The following PDE8B variants were observed in gnomAD, a reference collection of about 807,000 sequenced individuals.
PDE8B encodes phosphodiesterase 8B.
Under a neutral mutation model 101.3 loss-of-function variants are expected in PDE8B, and 26 were observed. The ratio of observed to expected loss-of-function variants is 0.26; its 90% CI spans 0.19 to 0.36. The LOEUF is 0.36. Ranked by LOEUF, PDE8B falls within the 10% of genes least tolerant of loss-of-function variation. The pLI is 1.00. For missense variants in PDE8B, 810 were observed against 1,163.1 expected, an observed-to-expected ratio of 0.70 and a Z score of 4.42; for synonymous variants, 424 against 429.3, an observed-to-expected ratio of 0.99 and a Z score of 0.15.
At chr5:77,355,906 A>C (rs946451416) in intron 10 of PDE8B, among the ~76,000 whole-genome samples, 1 of 152,214 alleles carries the variant, frequency 6.6e-6, no homozygotes, top group African/African-American at 2.4e-5. Context: ...CTGCAGGCCA[A>C]ATATGGCCTG....
chr5:77,200,752 A>G, the PDE8B span, among the ~76,000 whole-genome samples: 1 of 152,204 alleles, frequency 6.6e-6, no homozygotes, highest in African/African-American at 2.4e-5. Flanking sequence ...GGTATATGCT[A>G]AAGTTTGATA....
rs1793692493 is a variant in PDE8B at position 77,407,388 on chromosome 5, C to T, written c.1296C>T (p.Ser432=). 6.2e-7 allele frequency: 1 copy of T among 1,613,898 alleles called. No individual in the cohort carries two copies. The highest frequency in any genetic ancestry group is 8.5e-7 in the Non-Finnish European group (1 of 1,179,784). ...SISSRGSDAP[S]LQNRRYPSMA... ...TTCTTGCCTTCTCTCCAGCACCAAGCCTGCAGAATCGTCGCTATCCGTCCA... is the reference window on the plus strand; with the variant it reads ...TTCTTGCCTTCTCTCCAGCACCAAGTCTGCAGAATCGTCGCTATCCGTCCA... The change falls in exon 13 of 22, where the codon AGC becomes AGT. Residue 432 remains serine, a synonymous_variant. Transcript: ENST00000264917.
chr5:77,094,226 C>T, the PDE8B span, among the ~76,000 whole-genome samples: 1 of 152,188 alleles, frequency 6.6e-6, no homozygotes, highest in Non-Finnish European at 1.5e-5. Context: ...TGACACCAGC[C>T]ATCTAGTCCA....
rs146218799 is a variant in PDE8B, at chr5:77,424,393, G to C, written c.2419-1374G>C. ...TGACCTAAAAATGAAAGTTACAAAT[G>C]AAGCCTTTGAGCTGGCCTTCTGGCT... On this transcript the variant is annotated intron_variant, in intron 20 of 21. Transcript: ENST00000264917. Among the ~76,000 whole-genome samples, 16 of 152,304 alleles carry C rather than the reference G, an allele frequency of 1.1e-4. No individual in the cohort carries two copies. In the East Asian group the frequency reaches 2.9e-3, roughly 28 times the overall value.
At position 77,311,983 on chromosome 5, in the gene PDE8B, C is replaced by A; in HGVS notation, c.340-11C>A. ...AGACTTGACGCTTCTCTTGTGCTGT[C>A]CTTTATTTAGCAGGTGTCTTCTGCG... On this transcript the variant is annotated splice_polypyrimidine_tract_variant and intron_variant, in intron 1 of 21. Coordinates refer to ENST00000264917, the MANE Select transcript of PDE8B (RefSeq NM_003719.5). The A allele has an allele frequency of 6.2e-7, 1 of 1,611,588 alleles. No homozygotes were observed. Among genetic ancestry groups the A allele is most frequent in the Non-Finnish European group, 8.5e-7 (1 of 1,177,710 alleles).
chr5:77,345,833 A>G (rs1393272426), intron 7 of PDE8B, among the ~76,000 whole-genome samples: 1 of 152,204 alleles, frequency 6.6e-6, no homozygotes, highest in Non-Finnish European at 1.5e-5. Context: ...CACCAAAGAC[A>G]GTGGGCAACA....
At chr5:77,389,031 G>A (rs564533233) in intron 10 of PDE8B, among the ~76,000 whole-genome samples, 198 of 152,300 alleles carry the variant, frequency 1.3e-3, no homozygotes, top group African/African-American at 4.7e-3. Context: ...GACCCGCTGA[G>A]CCAGACCACT....
chr5:77,178,912 T>G, the PDE8B span, among the ~76,000 whole-genome samples: 1 of 152,260 alleles, frequency 6.6e-6, no homozygotes, highest in Non-Finnish European at 1.5e-5. Context: ...TATGGCTGCA[T>G]GTTTTATCAA....
intron 2 of PDE8B, among the ~76,000 whole-genome samples, chr5:77,313,137 G>C (rs1016046295): frequency 2.0e-5 from 3 of 152,022 alleles, no homozygotes; most frequent in African/African-American, 7.2e-5. Context: ...CCTGTACTTG[G>C]GACAAGTAAA....
chr5:77,171,259 G>A, the PDE8B span, among the ~76,000 whole-genome samples: 3 of 152,184 alleles, frequency 2.0e-5, no homozygotes, highest in Admixed American at 6.5e-5. Flanking sequence ...GAAACCTGAG[G>A]TCACTTGGAA....
At chr5:77,157,555 G>A in the PDE8B span, among the ~76,000 whole-genome samples, 1 of 152,062 alleles carries the variant, frequency 6.6e-6, no homozygotes, top group Admixed American at 6.6e-5. Context: ...GTCATGAGGC[G>A]AACTATATAT....
At chr5:77,158,360 G>C in the PDE8B span, among the ~76,000 whole-genome samples, 2 of 152,200 alleles carry the variant, frequency 1.3e-5, no homozygotes, top group Non-Finnish European at 2.9e-5. Flanking sequence ...ATAGGGATAA[G>C]GGGAAAGAGA....
chr5:77,399,715 A>G (rs2359875), intron 10 of PDE8B, among the ~76,000 whole-genome samples: 39,386 of 152,140 alleles, frequency 0.26, 5,492 homozygotes, highest in East Asian at 0.4. Flanking sequence ...ATAATGAGAA[A>G]GAATAGGTGG....
chr5:77,314,234 C>T lies in PDE8B; in HGVS notation c.399+2181C>T, dbSNP rs980670112. ...TACTTTTGGACTCTCAGTTCTATTCCATTGATTTATATGTCTGTCCTTATC... is the reference window on the plus strand; with the variant it reads ...TACTTTTGGACTCTCAGTTCTATTCTATTGATTTATATGTCTGTCCTTATC... On this transcript the variant is annotated intron_variant, in intron 2 of 21. Transcript: ENST00000264917. 8.5e-5 allele frequency among the ~76,000 whole-genome samples: 13 copies of T among 152,100 alleles called. No individual in the cohort carries two copies. In the Middle Eastern group the frequency reaches 0.01, roughly 119 times the overall value.
chr5:77,131,123 G>A, the PDE8B span: 3 of 152,258 alleles, frequency 2.0e-5, no homozygotes, highest in Non-Finnish European at 4.4e-5. Context: ...GATACTCAGA[G>A]CTGTTCTCAG....
At chr5:77,283,183 T>G (rs960322029) in intron 1 of PDE8B, among the ~76,000 whole-genome samples, 6 of 152,216 alleles carry the variant, frequency 3.9e-5, no homozygotes, top group African/African-American at 1.4e-4. Flanking sequence ...ACAGCATTTT[T>G]AGATTCACAG....
chr5:77,344,420 T>A (rs1545775), intron 6 of PDE8B, among the ~76,000 whole-genome samples: 48,683 of 152,136 alleles, frequency 0.32, 8,353 homozygotes, highest in East Asian at 0.58. Flanking sequence ...GTATCTTAAA[T>A]TGAGTAATTT....
chr5:77,237,538 T>C (rs1754942747), intron 1 of PDE8B, among the ~76,000 whole-genome samples: 1 of 152,162 alleles, frequency 6.6e-6, no homozygotes, highest in African/African-American at 2.4e-5. Context: ...TCCAATCTTC[T>C]TCATAGTTAT....
At chr5:77,182,877 T>C in the PDE8B span, among the ~76,000 whole-genome samples, 211 of 152,060 alleles carry the variant, frequency 1.4e-3, 2 homozygotes, top group African/African-American at 4.8e-3. Context: ...CTCTTTAGCT[T>C]TTTAATTTAG....
Sources: gnomAD v4.1 joint callset for allele counts (sites outside exome capture counted in the v4.1 genomes callset) on GRCh38, gnomAD v4.1.1 for gene constraint, MANE v1.5 for transcripts, NCBI Gene and HGNC (gene_info 2026-07-23, HGNC 2026-07-21) for gene names.